The following TAFA4 variants were observed in gnomAD, a reference collection of about 807,000 sequenced individuals.
TAFA4 encodes the protein TAFA chemokine like family member 4, also known as chemokine-like protein TAFA-4.
Under a neutral mutation model 21.1 loss-of-function variants are expected in TAFA4, and 20 were observed. That is an observed-to-expected ratio of 0.95 (90% confidence interval 0.67 to 1.38). The LOEUF is 1.38. Among genes scored for constraint, TAFA4 ranks in the 40% most tolerant of loss-of-function variants. The pLI, the probability that TAFA4 is intolerant of heterozygous loss-of-function variation, is 0.00. For missense variants in TAFA4, 211 were observed against 180.9 expected, an observed-to-expected ratio of 1.17 and a Z score of -0.95; for synonymous variants, 71 against 67.4, an observed-to-expected ratio of 1.05 and a Z score of -0.26.
At chr3:68,891,319 A>G (rs182309651) in intron 1 of TAFA4, among the ~76,000 whole-genome samples, 3 of 152,350 alleles carry the variant, frequency 2.0e-5, no homozygotes, top group Non-Finnish European at 2.9e-5. Flanking sequence ...GAATCTGCTT[A>G]ATAACAAACA....
intron 3 of TAFA4, among the ~76,000 whole-genome samples, chr3:68,825,424 A>G (rs1232724458): frequency 6.6e-6 from 1 of 152,238 alleles, no homozygotes; most frequent in Non-Finnish European, 1.5e-5. Context: ...TATACACCCA[A>G]AGGAATATAA....
intron 3 of TAFA4, among the ~76,000 whole-genome samples, chr3:68,793,338 G>C (rs1452617243): frequency 1.3e-5 from 2 of 152,174 alleles, no homozygotes; most frequent in African/African-American, 4.8e-5. Flanking sequence ...ACTGCACTCA[G>C]ACGGCTATTG....
intron 3 of TAFA4, among the ~76,000 whole-genome samples, chr3:68,774,086 G>C (rs1169269261): frequency 6.6e-6 from 1 of 152,048 alleles, no homozygotes; most frequent in Non-Finnish European, 1.5e-5. Flanking sequence ...ACATTAGAGA[G>C]GCTAACAATA....
chr3:68,773,255 G>C (rs552455692), intron 3 of TAFA4, among the ~76,000 whole-genome samples: 1 of 152,140 alleles, frequency 6.6e-6, no homozygotes, highest in South Asian at 2.1e-4. Flanking sequence ...ATGACTCATC[G>C]AACTCAGCAA....
At chr3:68,814,532 C>G (rs146511090) in intron 3 of TAFA4, among the ~76,000 whole-genome samples, 5,957 of 150,220 alleles carry the variant, frequency 0.04, 170 homozygotes, top group Non-Finnish European at 0.062. Flanking sequence ...AACAGACAGA[C>G]AGCCAAATCA....
At chr3:68,885,131 T>C (rs780457990) in intron 2 of TAFA4, 44 bp downstream of exon 2, 11 of 1,601,484 alleles carry the variant, frequency 6.9e-6, no homozygotes, top group Non-Finnish European at 9.4e-6. Context: ...TTCTCAATAC[T>C]TTGTAAAGAT....
rs1223158015 is a variant in TAFA4, at chr3:68,871,765, G to C, written c.130+8965C>G. On this transcript the variant is annotated intron_variant, in intron 3 of 5. Transcript: ENST00000295569. ...AGAGTTGAATAAACATTTCTCAAAA[G>C]AAGACATACAAATGACCAACAGGTA... is the stretch of plus-strand genomic sequence containing the variant. Among the ~76,000 whole-genome samples the C allele has an allele frequency of 2.0e-5, 3 of 152,076 alleles. No homozygotes were observed. The South Asian group carries it at 6.2e-4, about 32-fold the overall frequency.
chr3:68,931,261 G>T (rs775500711), intron 1 of TAFA4, among the ~76,000 whole-genome samples: 1 of 152,050 alleles, frequency 6.6e-6, no homozygotes, highest in African/African-American at 2.4e-5. Context: ...GGATAAAGAC[G>T]TTAAACCAAA....
At chr3:68,931,178 C>A (rs567718210) in intron 1 of TAFA4, among the ~76,000 whole-genome samples, 10 of 152,286 alleles carry the variant, frequency 6.6e-5, no homozygotes, top group African/African-American at 2.4e-4. Flanking sequence ...ACGGGGATCG[C>A]CTGTCACATC....
At chr3:68,766,184 AT>A (rs1166298665) in intron 3 of TAFA4, among the ~76,000 whole-genome samples, 1 of 152,182 alleles carries the variant, frequency 6.6e-6, no homozygotes, top group East Asian at 1.9e-4. Flanking sequence ...CACTTACAAT[AT>A]GCCAGGTACC....
At chr3:68,870,930 C>T (rs1267805672) in intron 3 of TAFA4, among the ~76,000 whole-genome samples, 2 of 152,146 alleles carry the variant, frequency 1.3e-5, no homozygotes, top group Non-Finnish European at 2.9e-5. Context: ...TTTTTTATGG[C>T]TGCATAGTAT....
At chr3:68,854,256 A>G (rs889172862) in intron 3 of TAFA4, among the ~76,000 whole-genome samples, 2 of 151,996 alleles carry the variant, frequency 1.3e-5, no homozygotes, top group Non-Finnish European at 1.5e-5. Context: ...CTCTGACAGC[A>G]GGAAGGCTCG....
At chr3:68,906,331 T>G (rs1218740545) in intron 1 of TAFA4, among the ~76,000 whole-genome samples, 1 of 152,222 alleles carries the variant, frequency 6.6e-6, no homozygotes, top group African/African-American at 2.4e-5. Context: ...GACTGCTTTT[T>G]ACTTTCAATT....
intron 3 of TAFA4, among the ~76,000 whole-genome samples, chr3:68,861,917 C>T (rs1050247620): frequency 6.6e-6 from 1 of 151,960 alleles, no homozygotes; most frequent in Non-Finnish European, 1.5e-5. Flanking sequence ...GCCACAAAAC[C>T]TTCAATAACA....
intron 1 of TAFA4, among the ~76,000 whole-genome samples, chr3:68,906,083 G>A (rs939451735): frequency 3.9e-5 from 6 of 152,196 alleles, no homozygotes; most frequent in Admixed American, 3.9e-4. Flanking sequence ...AAGTGGGAAT[G>A]CATAGACATG....
chr3:68,776,171 CATAATA>C (rs1218774845), intron 3 of TAFA4, among the ~76,000 whole-genome samples: 2 of 151,978 alleles, frequency 1.3e-5, no homozygotes, highest in Admixed American at 6.6e-5. Context: ...CAAACCTAAA[CATAATA>C]ATAATTATAA....
At chr3:68,865,076 A>T (rs969100330) in intron 3 of TAFA4, among the ~76,000 whole-genome samples, 3 of 152,146 alleles carry the variant, frequency 2.0e-5, no homozygotes, top group Non-Finnish European at 4.4e-5. Flanking sequence ...AATTTAACAA[A>T]GTGTACACTT....
intron 1 of TAFA4, among the ~76,000 whole-genome samples, chr3:68,915,084 A>G (rs1171476272): frequency 3.9e-5 from 6 of 152,144 alleles, no homozygotes; most frequent in East Asian, 3.9e-4. Flanking sequence ...CTGCTGCTCA[A>G]GTGGATACCT....
intron 3 of TAFA4, among the ~76,000 whole-genome samples, chr3:68,831,410 T>A: frequency 6.6e-6 from 1 of 152,162 alleles, no homozygotes; most frequent in Admixed American, 6.5e-5. Flanking sequence ...AGCATTTGCT[T>A]GTCTGTAAAG....
Sources: allele counts gnomAD v4.1 joint callset (sites outside exome capture counted in the v4.1 genomes callset), GRCh38; gene constraint gnomAD v4.1.1; transcripts MANE v1.5; gene names NCBI Gene and HGNC (gene_info 2026-07-23, HGNC 2026-07-21).